PEAK1: variants seen among roughly 807,000 people sequenced by gnomAD.
PEAK1 encodes inactive tyrosine-protein kinase PEAK1.
PEAK1 carries 54 observed loss-of-function variants against 124.7 expected under a neutral mutation model. The ratio of observed to expected loss-of-function variants is 0.43; its 90% CI spans 0.35 to 0.54. The LOEUF (loss-of-function observed/expected upper bound fraction) is 0.54, where lower values mean the gene tolerates loss of function less well. Among genes scored for constraint, PEAK1 ranks in the 20% least tolerant of loss-of-function variants. PEAK1 has a pLI of 0.01. For missense variants in PEAK1, 2,046 were observed against 2,134.5 expected, an observed-to-expected ratio of 0.96 and a Z score of 0.82; for synonymous variants, 719 against 760.0, an observed-to-expected ratio of 0.95 and a Z score of 0.89.
chr15:77,401,083 C>A (rs537131716), intron 1 of PEAK1, among the ~76,000 whole-genome samples: 28 of 152,158 alleles, frequency 1.8e-4, no homozygotes, highest in Admixed American at 6.5e-4. Flanking sequence ...ATTTAGAAAT[C>A]TTAAATTTTA....
intron 5 of PEAK1, among the ~76,000 whole-genome samples, chr15:77,263,320 G>A (rs2061539986): frequency 1.3e-5 from 2 of 152,050 alleles, no homozygotes; most frequent in Non-Finnish European, 2.9e-5. Flanking sequence ...CCAGGAGCTG[G>A]TTTTTTGAAA....
chr15:77,140,262 C>A (rs11630837), intron 8 of PEAK1, among the ~76,000 whole-genome samples: 2 of 151,838 alleles, frequency 1.3e-5, no homozygotes, highest in African/African-American at 4.8e-5. Context: ...GCCAATATTA[C>A]CTAAATACTA....
chr15:77,220,994 G>T (rs955708697), intron 6 of PEAK1, among the ~76,000 whole-genome samples: 1 of 152,002 alleles, frequency 6.6e-6, no homozygotes, highest in Non-Finnish European at 1.5e-5. Flanking sequence ...TAAATAACAA[G>T]ATATTGAATG....
chr15:77,144,502 A>C (rs2152759136), intron 8 of PEAK1, among the ~76,000 whole-genome samples: 1 of 152,310 alleles, frequency 6.6e-6, no homozygotes, highest in Admixed American at 6.5e-5. Context: ...ACCTGATGTG[A>C]TGTAAGGCGC....
rs567268086 is a variant in PEAK1 at position 77,360,021 on chromosome 15, T to C, written c.-603+5142A>G. 1.5e-4 allele frequency among the ~76,000 whole-genome samples: 23 copies of C among 152,336 alleles called. No individual in the cohort carries two copies. In the South Asian group the frequency reaches 4.6e-3, roughly 30 times the overall value. ...CTTACACTGCCCAATTTCAAAACTT[T>C]ATTATACAACTACAGCAATCAGGAC... On this transcript the variant is annotated intron_variant, in intron 2 of 9. Transcript: ENST00000682557.
Position 77,244,059 on chromosome 15 carries a change from G to A in PEAK1, c.-115+8308C>T, listed in dbSNP as rs1228210281. Reference sequence around the variant, plus strand: ...CCTACTTCTCTTTTCCACATCTGTGGAATATGATGAAGACTCCTTTATGAA... The same window carrying A: ...CCTACTTCTCTTTTCCACATCTGTGAAATATGATGAAGACTCCTTTATGAA... On this transcript the variant is annotated intron_variant, in intron 6 of 9. Coordinates refer to ENST00000682557, the MANE Select transcript of PEAK1 (RefSeq NM_001385026.1). Among the ~76,000 whole-genome samples, 4 of 151,864 alleles carry A rather than the reference G, an allele frequency of 2.6e-5. No individual in the cohort carries two copies. The East Asian group carries it at 7.7e-4, about 29-fold the overall frequency.
chr15:77,355,731 A>G, intron 2 of PEAK1: 1 of 981,618 alleles, frequency 1.0e-6, no homozygotes, highest in Non-Finnish European at 1.2e-6. Context: ...GGTCCAGATT[A>G]AAGTTGCCTG....
intron 6 of PEAK1, among the ~76,000 whole-genome samples, chr15:77,221,308 C>T (rs1036784571): frequency 2.0e-5 from 3 of 152,114 alleles, no homozygotes; most frequent in South Asian, 4.1e-4. Flanking sequence ...CTGTTGTAGA[C>T]CAACACTAAA....
chr15:77,366,031 A>C (rs1053562426), intron 1 of PEAK1, among the ~76,000 whole-genome samples: 1 of 152,230 alleles, frequency 6.6e-6, no homozygotes, highest in African/African-American at 2.4e-5. Context: ...TTAGCAAAGA[A>C]AATGAAATTA....
Position 77,263,049 on chromosome 15 carries a change from A to C in PEAK1, c.-274-10523T>G, listed in dbSNP as rs546377795. Among the ~76,000 whole-genome samples the C allele has an allele frequency of 2.0e-5, 3 of 152,324 alleles. No individual in the cohort carries two copies. The South Asian group carries it at 6.2e-4, about 32-fold the overall frequency. ...AGGCAGAAATAAAGATGTTCTTTGA[A>C]ACCAATGAGAACAAAGACACAACAT... On this transcript the variant is annotated intron_variant, in intron 5 of 9. Coordinates refer to ENST00000682557, the MANE Select transcript of PEAK1 (RefSeq NM_001385026.1).
chr15:77,165,536 T>C (rs1264346324), intron 7 of PEAK1, among the ~76,000 whole-genome samples: 2 of 152,248 alleles, frequency 1.3e-5, no homozygotes, highest in East Asian at 1.9e-4. Context: ...TTTTTTTCCC[T>C]AATGCCCAGA....
At position 77,111,397 on chromosome 15, in the gene PEAK1, G is replaced by A. The variant is rs2050966913; in HGVS notation, c.*2759C>T. Reference sequence around the variant, plus strand: ...AATATTCTGAAGACCAACTCATGTAGTACTTTTTGCCTAGAAATATAGTTT... The same window carrying A: ...AATATTCTGAAGACCAACTCATGTAATACTTTTTGCCTAGAAATATAGTTT... On this transcript the variant is annotated 3_prime_UTR_variant, in exon 10 of 10. Coordinates refer to ENST00000682557, the MANE Select transcript of PEAK1 (RefSeq NM_001385026.1). The A allele has an allele frequency of 6.6e-6, 1 of 152,152 alleles. No individual in the cohort carries two copies. The highest frequency in any genetic ancestry group is 2.4e-5 in the African/African-American group (1 of 41,432). The allele number at this position is 152,152 out of a possible 1,614,324, so 9.4% of individuals were successfully genotyped here. A position where few individuals can be genotyped will look rare whatever the true frequency, so the allele number is the denominator to read the frequency against.
At chr15:77,396,664 A>C (rs957079874) in intron 1 of PEAK1, among the ~76,000 whole-genome samples, 1 of 152,176 alleles carries the variant, frequency 6.6e-6, no homozygotes, top group African/African-American at 2.4e-5. Context: ...TCAAGACAAA[A>C]ACTACAGACA....
chr15:77,190,192 T>C (rs895051252), intron 6 of PEAK1, among the ~76,000 whole-genome samples: 21 of 152,180 alleles, frequency 1.4e-4, no homozygotes, highest in African/African-American at 4.8e-4. Flanking sequence ...GAACAATACA[T>C]ACTGTAAAAC....
At chr15:77,311,378 T>C (rs940824905) in intron 2 of PEAK1, among the ~76,000 whole-genome samples, 2 of 151,942 alleles carry the variant, frequency 1.3e-5, no homozygotes, top group Non-Finnish European at 2.9e-5. Flanking sequence ...AATGAGGACA[T>C]AGAAAATTAA....
chr15:77,320,948 T>C (rs2065172924), intron 2 of PEAK1, among the ~76,000 whole-genome samples: 1 of 152,176 alleles, frequency 6.6e-6, no homozygotes, highest in Admixed American at 6.5e-5. Context: ...CTGAGAATGA[T>C]GGTTTCCAGC....
chr15:77,345,503 G>T (rs2141378295), intron 2 of PEAK1, among the ~76,000 whole-genome samples: 1 of 152,302 alleles, frequency 6.6e-6, no homozygotes, highest in South Asian at 2.1e-4. Context: ...TGAGTAGAAG[G>T]CGGCTTTTAA....
chr15:77,129,669 C>T (rs2052690570), intron 9 of PEAK1, among the ~76,000 whole-genome samples: 2 of 149,330 alleles, frequency 1.3e-5, no homozygotes, highest in African/African-American at 4.9e-5. Flanking sequence ...TGGTCTCCAT[C>T]TCCTGATCTC....
chr15:77,420,728 T>C (rs1038667356), upstream of PEAK1: 4 of 396,098 alleles, frequency 1.0e-5, no homozygotes, highest in Non-Finnish European at 1.8e-5. Flanking sequence ...ATCCCTTCAT[T>C]TTTGTGAAGG....
Sources: gnomAD v4.1 joint callset for allele counts (sites outside exome capture counted in the v4.1 genomes callset) on GRCh38, gnomAD v4.1.1 for gene constraint, MANE v1.5 for transcripts, NCBI Gene and HGNC (gene_info 2026-07-23, HGNC 2026-07-21) for gene names.